The following NEAT1 variants were observed in gnomAD, a reference collection of about 807,000 sequenced individuals.
The protein encoded by NEAT1 is MENepsilon/beta.
chr11:65,432,202 A>G (rs1856619434), exon 1 of NEAT1: 1 of 152,120 alleles, frequency 6.6e-6, no homozygotes, highest in Admixed American at 6.6e-5. Flanking sequence ...TGCTGGATCG[A>G]ATGGTTTTTA....
At chr11:65,424,784 T>C (rs1266339996) in exon 1 of NEAT1, 1 of 152,198 alleles carries the variant, frequency 6.6e-6, no homozygotes, top group Non-Finnish European at 1.5e-5. Flanking sequence ...TCTTTTGTTC[T>C]TGCTTCGTTT....
At chr11:65,441,082 G>A (rs767268292) in exon 1 of NEAT1, 5 of 151,952 alleles carry the variant, frequency 3.3e-5, no homozygotes, top group Admixed American at 6.6e-5. Flanking sequence ...GCAAGTTTCC[G>A]GGTGAATGAA....
At chr11:65,429,662 G>A (rs1714938544) in exon 1 of NEAT1, 2 of 152,054 alleles carry the variant, frequency 1.3e-5, no homozygotes, top group South Asian at 4.1e-4. Context: ...TTGTGTTTCA[G>A]GTAGATAAAA....
At chr11:65,426,600 C>G (rs187213355) in exon 1 of NEAT1, 1 of 152,136 alleles carries the variant, frequency 6.6e-6, no homozygotes, top group African/African-American at 2.4e-5. Flanking sequence ...TTGGATGTAT[C>G]TTCATATTGT....
exon 1 of NEAT1, chr11:65,444,718 G>A (rs550451602): frequency 1.4e-3 from 458 of 332,798 alleles, no homozygotes; most frequent in Non-Finnish European, 2.2e-3. Context: ...TGTACCTTTG[G>A]GTCCTGGGGC....
chr11:65,431,651 C>G (rs1051028213), exon 1 of NEAT1: 4 of 152,162 alleles, frequency 2.6e-5, no homozygotes, highest in Admixed American at 1.3e-4. Flanking sequence ...TTGCATTTCC[C>G]TAATGAGGAG....
chr11:65,444,499 G>C (rs761689908), exon 1 of NEAT1: 1 of 484,700 alleles, frequency 2.1e-6, no homozygotes, highest in Non-Finnish European at 4.3e-6. Context: ...GAGCTCCTTA[G>C]CACTAGCAGG....
exon 1 of NEAT1, chr11:65,444,205 C>G: frequency 6.4e-6 from 2 of 313,120 alleles, no homozygotes; most frequent in Non-Finnish European, 1.2e-5. Context: ...ATTCCCCACC[C>G]CTTTGAGAGG....
At chr11:65,444,566 C>T (rs1282862941) in exon 1 of NEAT1, 6 of 479,608 alleles carry the variant, frequency 1.3e-5, no homozygotes, top group South Asian at 6.1e-5. Context: ...CAAATGAGGA[C>T]AGCAGAGCTC....
At chr11:65,424,348 C>T (rs1417293671) in exon 1 of NEAT1, 1 of 152,148 alleles carries the variant, frequency 6.6e-6, no homozygotes, top group African/African-American at 2.4e-5. Context: ...TAAATTGAGC[C>T]TCCGGTCATA....
exon 1 of NEAT1, chr11:65,442,116 CAG>C (rs1856719994): frequency 6.6e-6 from 1 of 151,872 alleles, no homozygotes. Context: ...CCTCATTCCA[CAG>C]AGTTTTGATT....
chr11:65,441,608 C>T lies in NEAT1; in HGVS notation n.18811C>T, dbSNP rs543643850. The T allele has an allele frequency of 7.2e-5, 11 of 151,896 alleles. No individual in the cohort carries two copies. In the East Asian group the frequency reaches 2.1e-3, roughly 29 times the overall value. The allele number at this position is 151,896 out of a possible 1,614,324, so 9.4% of individuals were successfully genotyped here. ...GAGTAGCATTTTATATTTTGATATCCTCCTTATGCATAGTTTTTCACTTTT... is the reference window on the plus strand; with the variant it reads ...GAGTAGCATTTTATATTTTGATATCTTCCTTATGCATAGTTTTTCACTTTT... On this transcript the variant is annotated non_coding_transcript_exon_variant, in exon 1 of 1. Transcript: ENST00000501122.
At chr11:65,441,254 T>C (rs1052266448) in exon 1 of NEAT1, 4 of 152,208 alleles carry the variant, frequency 2.6e-5, no homozygotes, top group African/African-American at 4.8e-5. Flanking sequence ...GCAGGCTGCA[T>C]GGCACGGAGG....
chr11:65,444,836 A>T, exon 1 of NEAT1: 1 of 254,610 alleles, frequency 3.9e-6, no homozygotes, highest in African/African-American at 2.3e-5. Flanking sequence ...GAAGGAATCC[A>T]CAGCTGACGG....
chr11:65,442,126 A>ATTTTTTTTTTTTT (rs796862022), exon 1 of NEAT1: 1 of 140,750 alleles, frequency 7.1e-6, no homozygotes. Context: ...CAGAGTTTTG[A>ATTTTTTTTTTTTT]TTTTTTTTTT....
exon 1 of NEAT1, chr11:65,438,401 T>G (rs1856684584): frequency 6.6e-6 from 1 of 152,248 alleles, no homozygotes; most frequent in South Asian, 2.1e-4. Flanking sequence ...ATAAAATTCA[T>G]GCTTTTGAAA....
chr11:65,428,547 A>C (rs1159724695), exon 1 of NEAT1: 1 of 152,228 alleles, frequency 6.6e-6, no homozygotes, highest in East Asian at 1.9e-4. Context: ...AAGACACCCA[A>C]ATAGGCTTAC....
chr11:65,427,669 C>T (rs1361470821), exon 1 of NEAT1: 2 of 152,124 alleles, frequency 1.3e-5, no homozygotes, highest in Non-Finnish European at 2.9e-5. Flanking sequence ...AACTCCTTTC[C>T]CTGGATGCCC....
exon 1 of NEAT1, chr11:65,425,496 C>A (rs1350345610): frequency 6.6e-6 from 1 of 152,150 alleles, no homozygotes; most frequent in African/African-American, 2.4e-5. Context: ...TTCGCTGCCC[C>A]TTAGCAACTT....
Sources: gnomAD v4.1 joint callset for allele counts on GRCh38, gnomAD v4.1.1 for gene constraint, MANE v1.5 for transcripts, NCBI Gene and HGNC (gene_info 2026-07-23, HGNC 2026-07-21) for gene names.